IFNG-AS1: variants seen among roughly 807,000 people sequenced by gnomAD.
IFNG-AS1 encodes IFNG antisense RNA 1 (non-protein coding).
At chr12:68,010,965 G>T (rs901307232) in intron 3 of IFNG-AS1, among the ~76,000 whole-genome samples, 2 of 152,104 alleles carry the variant, frequency 1.3e-5, no homozygotes, top group African/African-American at 4.8e-5. Context: ...TCTGTCAGGG[G>T]TTAGATGTAT....
chr12:67,998,645 G>A (rs1018655271), intron 2 of IFNG-AS1, among the ~76,000 whole-genome samples: 10 of 151,790 alleles, frequency 6.6e-5, no homozygotes, highest in African/African-American at 2.4e-4. Context: ...ATAAATAAAT[G>A]ACTAAAATCA....
At chr12:68,018,134 T>C (rs1880198461) in intron 3 of IFNG-AS1, among the ~76,000 whole-genome samples, 1 of 152,130 alleles carries the variant, frequency 6.6e-6, no homozygotes, top group South Asian at 2.1e-4. Flanking sequence ...CCATTTCTCC[T>C]GCTTGCATGG....
intron 1 of IFNG-AS1, among the ~76,000 whole-genome samples, chr12:67,992,730 G>A (rs1879544773): frequency 6.6e-6 from 1 of 152,082 alleles, no homozygotes; most frequent in African/African-American, 2.4e-5. Context: ...TTCAGTTTAT[G>A]GTATTTTGGT....
chr12:67,993,743 G>A (rs1879570449), intron 1 of IFNG-AS1, among the ~76,000 whole-genome samples: 1 of 152,166 alleles, frequency 6.6e-6, no homozygotes, highest in Admixed American at 6.5e-5. Context: ...AGAAGACATA[G>A]TCTTATAGTA....
intron 3 of IFNG-AS1, among the ~76,000 whole-genome samples, chr12:68,011,178 A>C (rs186064167): frequency 1.6e-3 from 241 of 152,356 alleles, no homozygotes; most frequent in African/African-American, 5.6e-3. Context: ...AGGCATATAT[A>C]AAATAAATAA....
chr12:67,998,272 T>C (rs1879687720), intron 2 of IFNG-AS1, among the ~76,000 whole-genome samples: 1 of 152,038 alleles, frequency 6.6e-6, no homozygotes, highest in African/African-American at 2.4e-5. Flanking sequence ...ACAAATTGTG[T>C]ACCTCTACAG....
At chr12:67,996,476 A>G (rs747000523) in intron 2 of IFNG-AS1, among the ~76,000 whole-genome samples, 1 of 152,192 alleles carries the variant, frequency 6.6e-6, no homozygotes, top group Non-Finnish European at 1.5e-5. Context: ...AAAATCTTGT[A>G]TAGTTTTCTA....
At chr12:68,006,098 G>A (rs1219664927) in exon 3 of IFNG-AS1, 1 of 152,252 alleles carries the variant, frequency 6.6e-6, no homozygotes, top group South Asian at 2.1e-4. Flanking sequence ...AGCGTAAAAC[G>A]CTGGAGGAGA....
intron 3 of IFNG-AS1, chr12:68,013,781 T>G (rs1170475368): frequency 1.3e-5 from 2 of 152,250 alleles, no homozygotes; most frequent in Non-Finnish European, 2.9e-5. Flanking sequence ...GAAGGAATTC[T>G]GCCAGCACAT....
At chr12:68,018,742 C>T (rs368339278) in intron 3 of IFNG-AS1, among the ~76,000 whole-genome samples, 296 of 151,302 alleles carry the variant, frequency 2.0e-3, no homozygotes, top group African/African-American at 6.5e-3. Flanking sequence ...TTGTTTGAGT[C>T]CTTACTTTTT....
At chr12:67,991,226 T>C (rs1185482769) in intron 1 of IFNG-AS1, among the ~76,000 whole-genome samples, 3 of 152,214 alleles carry the variant, frequency 2.0e-5, no homozygotes, top group Admixed American at 2.0e-4. Flanking sequence ...TGCTCCTAGC[T>C]TTAAAGTGTA....
At chr12:68,017,766 T>C (rs1245731610) in intron 3 of IFNG-AS1, among the ~76,000 whole-genome samples, 1 of 152,188 alleles carries the variant, frequency 6.6e-6, no homozygotes, top group Non-Finnish European at 1.5e-5. Flanking sequence ...ATGGTTACAT[T>C]TAATGGCTAG....
chr12:67,989,958 T>C (rs1879465195), intron 1 of IFNG-AS1, among the ~76,000 whole-genome samples: 1 of 152,216 alleles, frequency 6.6e-6, no homozygotes, highest in South Asian at 2.1e-4. Context: ...GAATTTCTTC[T>C]TAACATGGTC....
At chr12:68,014,113 C>T (rs949812893) in intron 3 of IFNG-AS1, among the ~76,000 whole-genome samples, 1 of 152,176 alleles carries the variant, frequency 6.6e-6, no homozygotes, top group African/African-American at 2.4e-5. Flanking sequence ...CTGAGAATGT[C>T]ATTAATTCAT....
chr12:68,019,478 C>T (rs535094431), intron 3 of IFNG-AS1, among the ~76,000 whole-genome samples: 20 of 152,298 alleles, frequency 1.3e-4, no homozygotes, highest in African/African-American at 4.6e-4. Context: ...GCTTCCCTGA[C>T]TCCCACGTAC....
chr12:68,010,201 G>A (rs1033469407), intron 3 of IFNG-AS1, among the ~76,000 whole-genome samples: 1 of 152,162 alleles, frequency 6.6e-6, no homozygotes, highest in African/African-American at 2.4e-5. Context: ...TTACAGAGTG[G>A]TTCTGAAGTC....
intron 1 of IFNG-AS1, among the ~76,000 whole-genome samples, chr12:67,990,960 T>C (rs1362668641): frequency 1.3e-5 from 2 of 152,200 alleles, no homozygotes; most frequent in African/African-American, 4.8e-5. Context: ...CCCTATGTGG[T>C]TTGGTGAAGC....
At chr12:68,005,276 G>A (rs1879879556) in intron 2 of IFNG-AS1, among the ~76,000 whole-genome samples, 1 of 152,232 alleles carries the variant, frequency 6.6e-6, no homozygotes, top group African/African-American at 2.4e-5. Flanking sequence ...AATTTCTCCA[G>A]ATGCATTTAT....
chr12:67,991,757 G>A (rs1879518830), intron 1 of IFNG-AS1, among the ~76,000 whole-genome samples: 1 of 152,072 alleles, frequency 6.6e-6, no homozygotes, highest in African/African-American at 2.4e-5. Flanking sequence ...TTAAATAGCT[G>A]GAAGTCTCTT....
Sources: allele counts gnomAD v4.1 joint callset (sites outside exome capture counted in the v4.1 genomes callset), GRCh38; gene constraint gnomAD v4.1.1; transcripts MANE v1.5; gene names NCBI Gene and HGNC (gene_info 2026-07-23, HGNC 2026-07-21).